TACC2: variants seen among roughly 807,000 people sequenced by gnomAD.
TACC2 encodes the protein transforming acidic coiled-coil-containing protein 2.
In TACC2, 137 loss-of-function variants were observed where a neutral mutation model predicts 227.3. That is an observed-to-expected ratio of 0.60 (90% CI 0.52 to 0.69). The LOEUF (loss-of-function observed/expected upper bound fraction) is 0.69, where lower values mean the gene tolerates loss of function less well. Ranked by LOEUF, TACC2 falls within the 30% of genes least tolerant of loss-of-function variation. The pLI, the probability that TACC2 is intolerant of heterozygous loss-of-function variation, is 0.00. For missense variants in TACC2, 3,470 were observed against 3,694.4 expected (o/e 0.94, Z 1.57); for synonymous variants, 1,523 against 1,487.5 (o/e 1.02, Z -0.55).
At chr10:122,040,180 C>T (rs1051690780) in intron 2 of TACC2, among the ~76,000 whole-genome samples, 25 of 152,146 alleles carry the variant, frequency 1.6e-4, no homozygotes, top group Non-Finnish European at 1.0e-4. Flanking sequence ...TGTATAACCA[C>T]GGCTCTAAAG....
chr10:122,147,734 C>G (rs1283137404), intron 7 of TACC2, among the ~76,000 whole-genome samples: 1 of 152,188 alleles, frequency 6.6e-6, no homozygotes, highest in Non-Finnish European at 1.5e-5. Context: ...GTCATGGGCT[C>G]CTTGGGCTTT....
intron 7 of TACC2, chr10:122,163,739 C>T (rs1355168122): frequency 1.7e-6 from 2 of 1,182,710 alleles, no homozygotes; most frequent in African/African-American, 1.6e-5. Context: ...CCCCCCGGCC[C>T]CCGGCTCGGG....
intron 8 of TACC2, among the ~76,000 whole-genome samples, chr10:122,203,219 T>C (rs1161090648): frequency 9.3e-4 from 122 of 131,440 alleles, no homozygotes; most frequent in Middle Eastern, 0.011. Flanking sequence ...GGGCTCCTCA[T>C]TTCCCAGTAG....
chr10:122,253,777 AC>A (rs1192387784), intron 22 of TACC2, among the ~76,000 whole-genome samples: 3 of 152,226 alleles, frequency 2.0e-5, no homozygotes, highest in African/African-American at 7.2e-5. Context: ...AGAGATAAGG[AC>A]ACCAAGGCTC....
chr10:122,065,899 G>T (rs569681214), intron 3 of TACC2, among the ~76,000 whole-genome samples: 1 of 152,000 alleles, frequency 6.6e-6, no homozygotes, highest in South Asian at 2.1e-4. Flanking sequence ...TGTTCTTTAT[G>T]CCTGTAATAT....
chr10:122,136,806 G>A (rs2089759278), intron 6 of TACC2, among the ~76,000 whole-genome samples: 1 of 151,806 alleles, frequency 6.6e-6, no homozygotes, highest in Admixed American at 6.6e-5. Context: ...TGCCTGCCTT[G>A]GCCTCCCAAA....
At chr10:122,013,541 C>T (rs948629216) in intron 1 of TACC2, among the ~76,000 whole-genome samples, 1 of 152,166 alleles carries the variant, frequency 6.6e-6, no homozygotes. Flanking sequence ...GAGGGCTGGG[C>T]TATCTGTGAA....
rs778080991 is a variant in TACC2 at position 122,211,509 on chromosome 10, C to T, written c.7084C>T (p.Leu2362=). ...STSKMQESPK[L]PQQSYNFDPD... is the part of the protein sequence containing the mutation. ...CTCAAAAATGCAGGAGTCTCCCAAA[C>T]TGCCCCAACAATCATACAACTTTGA... is the stretch of plus-strand genomic sequence containing the variant. Residue 2362 remains leucine, a synonymous_variant, in exon 9 of 23, where the codon CTG becomes TTG. Transcript: ENST00000369005. 25 of 1,613,594 alleles carry T rather than the reference C, an allele frequency of 1.5e-5. No homozygotes were observed. The highest frequency in any genetic ancestry group is 1.1e-4 in the East Asian group (5 of 44,886).
chr10:122,137,307 G>C (rs747121253), intron 6 of TACC2, among the ~76,000 whole-genome samples: 1 of 151,226 alleles, frequency 6.6e-6, no homozygotes, highest in Non-Finnish European at 1.5e-5. Flanking sequence ...AGCAGAATGA[G>C]CCTGGGTAAC....
chr10:122,165,138 C>G (rs1222194339), intron 7 of TACC2, among the ~76,000 whole-genome samples: 3 of 152,208 alleles, frequency 2.0e-5, no homozygotes, highest in Non-Finnish European at 4.4e-5. Context: ...CATCGTCTTA[C>G]AATGGAGGCA....
rs746572352 is a variant in TACC2 at position 122,210,765 on chromosome 10, A to G, written c.6340A>G (p.Ser2114Gly). 1.9e-6 allele frequency: 3 copies of G among 1,613,850 alleles called. No homozygotes were observed. The African/African-American group carries it at 4.0e-5, about 22-fold the overall frequency. Residue 2114 changes from serine to glycine, a missense_variant, in exon 9 of 23, where the codon AGC (serine) becomes GGC (glycine). By Grantham distance (56) the Ser-to-Gly change is moderately conservative. Around this residue, in one of 10 missense-constraint regions of TACC2, gnomAD observed 593 missense variants for 636.6 expected, o/e 0.93. Transcript: ENST00000369005. The surrounding 1 kb of genome is among the most constrained non-coding windows in gnomAD (Gnocchi z 4.6). ...CGTGGCCCTTGCCCCAGATGCATATAGCACGGGTTCCAGCAGTGCTTCTAG... is the reference window on the plus strand; with the variant it reads ...CGTGGCCCTTGCCCCAGATGCATATGGCACGGGTTCCAGCAGTGCTTCTAG... ...EAVALAPDAY[S>G]TGSSSASSTL...
At chr10:122,182,291 C>T (rs1470787340) in intron 7 of TACC2, among the ~76,000 whole-genome samples, 1 of 152,148 alleles carries the variant, frequency 6.6e-6, no homozygotes, top group Non-Finnish European at 1.5e-5. Flanking sequence ...CTGCTCTGGA[C>T]GCAGGTTCTC....
At chr10:122,186,221 G>A (rs1241456421) in intron 7 of TACC2, among the ~76,000 whole-genome samples, 6 of 152,156 alleles carry the variant, frequency 3.9e-5, no homozygotes, top group African/African-American at 1.4e-4. Flanking sequence ...GAGCCACCAC[G>A]CCTGGCCAAG....
chr10:122,020,312 TTGTGTG>T (rs10556316), intron 1 of TACC2, among the ~76,000 whole-genome samples: 7 of 150,438 alleles, frequency 4.7e-5, no homozygotes, highest in Admixed American at 6.6e-5. Flanking sequence ...GAGCATGTGA[TTGTGTG>T]TGTGTGTGTG....
At chr10:122,178,275 C>T (rs115588367) in intron 7 of TACC2, among the ~76,000 whole-genome samples, 1,540 of 142,092 alleles carry the variant, frequency 0.011, 27 homozygotes, top group African/African-American at 0.039. Flanking sequence ...TTGCTCTTGT[C>T]GCCTAGGCTG....
chr10:122,160,069 A>G (rs1157494395), intron 7 of TACC2, among the ~76,000 whole-genome samples: 1 of 152,190 alleles, frequency 6.6e-6, no homozygotes, highest in African/African-American at 2.4e-5. Context: ...AGGTTTGCTG[A>G]TCTTTCTGGT....
At chr10:122,062,874 G>A (rs140817844) in intron 3 of TACC2, among the ~76,000 whole-genome samples, 11 of 152,204 alleles carry the variant, frequency 7.2e-5, no homozygotes, top group African/African-American at 1.4e-4. Context: ...TGGGCCTAGG[G>A]CTACACACAT....
intron 3 of TACC2, chr10:122,052,242 C>T (rs957176862): frequency 6.6e-6 from 1 of 152,210 alleles, no homozygotes; most frequent in Non-Finnish European, 1.5e-5. Flanking sequence ...CTCTTTCCCT[C>T]TTGGTGAGGT....
At chr10:122,241,692 A>T in intron 18 of TACC2, 1 of 533,442 alleles carries the variant, frequency 1.9e-6, no homozygotes, top group Non-Finnish European at 3.4e-6. Flanking sequence ...CCTTCTCAAT[A>T]CCTGGGACTG....
Sources: gnomAD v4.1 joint callset for allele counts (sites outside exome capture counted in the v4.1 genomes callset) on GRCh38, gnomAD v4.1.1 for gene constraint, gnomAD v4.1.1 regional missense constraint, Gnocchi (gnomAD v3.1) non-coding constraint, MANE v1.5 for transcripts, NCBI Gene and HGNC (gene_info 2026-07-23, HGNC 2026-07-21) for gene names.